MEI1: variants seen among roughly 807,000 people sequenced by gnomAD.
MEI1 encodes the protein meiosis inhibitor protein 1.
In MEI1, 103 loss-of-function variants were observed where a neutral mutation model predicts 146.2. The observed-to-expected ratio is 0.70, with a 90% CI of 0.60 to 0.83. The LOEUF is 0.83. Among genes scored for constraint, MEI1 ranks in the 40% least tolerant of loss-of-function variants. The pLI is 0.00. For synonymous variants in MEI1, 652 were observed against 628.2 expected, an observed-to-expected ratio of 1.04 and a Z score of -0.57; for missense variants, 1,529 against 1,533.0, an observed-to-expected ratio of 1.00 and a Z score of 0.04.
At chr22:41,765,316 AG>A (rs1487810972) in intron 19 of MEI1, among the ~76,000 whole-genome samples, 1 of 151,854 alleles carries the variant, frequency 6.6e-6, no homozygotes, top group Non-Finnish European at 1.5e-5. Context: ...GTGCCCAGCC[AG>A]AAAATTTTTA....
intron 11 of MEI1, among the ~76,000 whole-genome samples, chr22:41,734,525 G>A (rs933183144): frequency 5.9e-5 from 9 of 152,326 alleles, no homozygotes; most frequent in East Asian, 1.9e-4. Flanking sequence ...CCTGGGAGGC[G>A]GAGGTTGCAG....
chr22:41,704,400 T>G (rs2068925804), intron 2 of MEI1, among the ~76,000 whole-genome samples: 1 of 150,944 alleles, frequency 6.6e-6, no homozygotes, highest in East Asian at 1.9e-4. Context: ...TGTACCGCAT[T>G]GACAATTCTT....
rs773625182 is a variant in MEI1, at chr22:41,793,860, G to A, written c.3377G>A (p.Gly1126Asp). 6.2e-7 allele frequency: 1 copy of A among 1,611,340 alleles called. No individual in the cohort carries two copies. The highest frequency in any genetic ancestry group is 8.5e-7 in the Non-Finnish European group (1 of 1,179,366). Residue 1126 changes from glycine to aspartate, a missense_variant, in exon 27 of 31, where the codon GGC becomes GAC. Physicochemically the swap from Gly to Asp is moderately conservative, Grantham distance 94. Coordinates refer to ENST00000401548, the MANE Select transcript of MEI1 (RefSeq NM_152513.4). ...KDPLLSQACV[G>D]CLEALLDYLD... ...CCTCTATTGTCCCAGGCCTGTGTTG[G>A]CTGCCTGGAGGCCTTGCTTGACTAC...
rs763578555 is a variant in MEI1, at chr22:41,793,896, G to A, written c.3413G>A (p.Arg1138Gln). Residue 1138 changes from arginine to glutamine, a missense_variant, in exon 27 of 31, where the codon CGG becomes CAG. By Grantham distance (43) the Arg-to-Gln change is conservative (BLOSUM62 1). This residue lies in a region of MEI1 where 313 missense variants were observed against 337.3 expected (regional missense o/e 0.93). Coordinates refer to ENST00000401548, the MANE Select transcript of MEI1 (RefSeq NM_152513.4). Reference protein sequence around the residue: ...LEALLDYLDARSPDIALHVAS... With the variant: ...LEALLDYLDAQSPDIALHVAS... ...GCCTTGCTTGACTACCTGGATGCCC[G>A]GAGCCCAGACATTGGTAGAAACTCT... The A allele has an allele frequency of 8.1e-6, 13 of 1,611,956 alleles. No homozygotes were observed. Among genetic ancestry groups the A allele is most frequent in the African/African-American group, 2.7e-5 (2 of 74,664 alleles).
chr22:41,721,463 C>T (rs1398506264), intron 6 of MEI1, among the ~76,000 whole-genome samples: 1 of 151,216 alleles, frequency 6.6e-6, no homozygotes, highest in African/African-American at 2.4e-5. Context: ...CCAGGACAGT[C>T]TCCATCTCCT....
chr22:41,762,713 T>A (rs2074579673), intron 18 of MEI1, among the ~76,000 whole-genome samples: 1 of 152,164 alleles, frequency 6.6e-6, no homozygotes, highest in African/African-American at 2.4e-5. Context: ...TGGTATCTTT[T>A]AAGCACAAAT....
intron 16 of MEI1, among the ~76,000 whole-genome samples, chr22:41,752,999 A>G (rs1303253966): frequency 6.6e-6 from 1 of 151,532 alleles, no homozygotes; most frequent in Admixed American, 6.6e-5. Flanking sequence ...TGGGCAGCAT[A>G]GCAAGACCCT....
At chr22:41,703,505 A>G (rs1235961422) in intron 2 of MEI1, 51 bp downstream of exon 2, 7 of 1,446,592 alleles carry the variant, frequency 4.8e-6, no homozygotes, top group African/African-American at 1.4e-5. Context: ...TAGTATGTAT[A>G]TCTGCTTTTG....
chr22:41,723,910 C>G (rs370044189), intron 6 of MEI1, 33 bp from the exon 7 acceptor site: 1 of 1,567,420 alleles, frequency 6.4e-7, no homozygotes, highest in African/African-American at 1.4e-5. Flanking sequence ...CTGTGTTCCT[C>G]TTGCCTTACT....
chr22:41,761,338 G>A (rs1288200116), intron 18 of MEI1, among the ~76,000 whole-genome samples: 5 of 146,812 alleles, frequency 3.4e-5, no homozygotes, highest in African/African-American at 7.5e-5. Context: ...TTTTTGAGAC[G>A]GAGACTCACT....
chr22:41,748,023 A>T, intron 14 of MEI1, 84 bp from the exon 15 acceptor site: 2 of 875,366 alleles, frequency 2.3e-6, no homozygotes, highest in Non-Finnish European at 3.7e-6. Flanking sequence ...AGGAGTTGCT[A>T]GATTTGATGT....
At chr22:41,761,812 C>T (rs1254935265) in intron 18 of MEI1, among the ~76,000 whole-genome samples, 1 of 152,196 alleles carries the variant, frequency 6.6e-6, no homozygotes, top group African/African-American at 2.4e-5. Context: ...TGGCAATCAA[C>T]AATCTGTTCT....
At chr22:41,771,629 G>C (rs902921640) in intron 20 of MEI1, among the ~76,000 whole-genome samples, 2 of 151,924 alleles carry the variant, frequency 1.3e-5, no homozygotes, top group African/African-American at 4.8e-5. Flanking sequence ...TTAAGAGATG[G>C]GGTTTCACCA....
intron 11 of MEI1, among the ~76,000 whole-genome samples, chr22:41,735,227 GTT>G (rs1279915415): frequency 6.7e-4 from 57 of 85,486 alleles, no homozygotes; most frequent in African/African-American, 2.5e-3. Flanking sequence ...CTCCCAAAGT[GTT>G]TTTTTTTTTT....
At chr22:41,717,415 G>A (rs1339620164) in intron 5 of MEI1, among the ~76,000 whole-genome samples, 5 of 151,764 alleles carry the variant, frequency 3.3e-5, no homozygotes, top group Admixed American at 1.3e-4. Flanking sequence ...TGCCCACCTC[G>A]GCCTCCCAAA....
rs113484758 is a variant in MEI1 at position 41,793,806 on chromosome 22, ATT to A, written c.3346-8_3346-7del. The A allele has an allele frequency of 0.011, 15,156 of 1,390,596 alleles. 645 individuals are homozygous for A. The African/African-American group carries it at 0.18, about 16-fold the overall frequency. 86.1% of individuals were successfully genotyped at this position (1,390,596 alleles called of 1,614,324 possible). A position where few individuals can be genotyped will look rare whatever the true frequency, so the allele number is the denominator to read the frequency against. On this transcript the variant is annotated intron_variant, in intron 26 of 30. Transcript: ENST00000401548. ...GCCATTGGTAGCAAAACCTGACCTG[ATT>A]TTTTTTTTTTTTTTCTGCAGAAGGA...
chr22:41,714,190 A>G, intron 4 of MEI1, 115 bp downstream of exon 4: 3 of 965,434 alleles, frequency 3.1e-6, no homozygotes, highest in Non-Finnish European at 3.1e-6. Flanking sequence ...AGCTTTCCTG[A>G]GGTCACTGAG....
intron 14 of MEI1, among the ~76,000 whole-genome samples, chr22:41,747,729 AC>A (rs1202038487): frequency 9.6e-5 from 5 of 52,238 alleles, no homozygotes; most frequent in East Asian, 6.3e-4. Flanking sequence ...CCCCACCCCC[AC>A]CCCCCCAAAA....
chr22:41,792,649 G>A (rs976070418), intron 26 of MEI1, among the ~76,000 whole-genome samples: 2 of 152,050 alleles, frequency 1.3e-5, no homozygotes, highest in Non-Finnish European at 2.9e-5. Context: ...GTGGTTATGG[G>A]GGTGATAAGT....
Sources: allele counts gnomAD v4.1 joint callset (sites outside exome capture counted in the v4.1 genomes callset), GRCh38; gene constraint gnomAD v4.1.1; regional missense constraint gnomAD v4.1.1; transcripts MANE v1.5; gene names NCBI Gene and HGNC (gene_info 2026-07-23, HGNC 2026-07-21).